Variants in LRMDA observed in about 807,000 individuals in gnomAD.
LRMDA encodes leucine-rich melanocyte differentiation-associated protein.
LRMDA carries 18 observed loss-of-function variants against 29.8 expected under a neutral mutation model. The observed-to-expected ratio is 0.60, with a 90% CI of 0.42 to 0.90. LRMDA has a LOEUF of 0.90. LRMDA is among the 40% of genes least tolerant of loss of function. LRMDA has a pLI of 0.00. For missense variants in LRMDA, 273 were observed against 273.9 expected (o/e 1.00, Z 0.02); for synonymous variants, 125 against 109.4 (o/e 1.14, Z -0.89).
chr10:76,524,704 TC>T, intron 6 of LRMDA, among the ~76,000 whole-genome samples: 1 of 152,192 alleles, frequency 6.6e-6, no homozygotes, highest in African/African-American at 2.4e-5. Flanking sequence ...TAATTACTTT[TC>T]AAGTCAATAT....
chr10:75,888,774 G>T (rs1845433855), intron 2 of LRMDA, among the ~76,000 whole-genome samples: 1 of 152,156 alleles, frequency 6.6e-6, no homozygotes, highest in Non-Finnish European at 1.5e-5. Context: ...CAACGTACAT[G>T]TATTTGTAAT....
At chr10:76,292,262 C>G (rs934664567) in intron 5 of LRMDA, among the ~76,000 whole-genome samples, 4 of 152,068 alleles carry the variant, frequency 2.6e-5, no homozygotes, top group Non-Finnish European at 5.9e-5. Flanking sequence ...CATAGTAATC[C>G]ACTGAAGGAA....
intron 6 of LRMDA, among the ~76,000 whole-genome samples, chr10:76,371,190 G>A (rs773058948): frequency 6.6e-5 from 10 of 152,158 alleles, no homozygotes; most frequent in Non-Finnish European, 1.3e-4. Context: ...CCTTTGTCAA[G>A]TGGGAACAGT....
At chr10:75,848,591 A>G (rs1844680672) in intron 2 of LRMDA, among the ~76,000 whole-genome samples, 1 of 152,174 alleles carries the variant, frequency 6.6e-6, no homozygotes, top group South Asian at 2.1e-4. Context: ...CTGGGTATTC[A>G]TAGGCATCTG....
chr10:76,469,161 G>GC (rs920450517), intron 6 of LRMDA, among the ~76,000 whole-genome samples: 5 of 152,134 alleles, frequency 3.3e-5, no homozygotes, highest in African/African-American at 9.7e-5. Flanking sequence ...CCTCCCCGCA[G>GC]CTTACTTTGA....
intron 6 of LRMDA, among the ~76,000 whole-genome samples, chr10:76,415,724 C>T (rs1359458289): frequency 6.6e-6 from 1 of 152,210 alleles, no homozygotes; most frequent in African/African-American, 2.4e-5. Flanking sequence ...TGGCTATGGG[C>T]CCCACCCATG....
At chr10:75,906,904 G>A (rs1162819796) in intron 2 of LRMDA, among the ~76,000 whole-genome samples, 1 of 152,178 alleles carries the variant, frequency 6.6e-6, no homozygotes, top group Non-Finnish European at 1.5e-5. Flanking sequence ...TGAGACACCG[G>A]GGCTAGGTTG....
chr10:75,824,961 G>T (rs1187547950), intron 2 of LRMDA, among the ~76,000 whole-genome samples: 1 of 152,186 alleles, frequency 6.6e-6, no homozygotes, highest in Non-Finnish European at 1.5e-5. Flanking sequence ...GGGTGGTAAA[G>T]ATATTTTAGA....
intron 6 of LRMDA, among the ~76,000 whole-genome samples, chr10:76,529,814 T>C (rs1447699641): frequency 6.6e-6 from 1 of 152,158 alleles, no homozygotes; most frequent in Non-Finnish European, 1.5e-5. Context: ...TGGGAGGCTT[T>C]GTCTTCTTAC....
At chr10:75,531,506 C>A (rs1845478220) in intron 2 of LRMDA, among the ~76,000 whole-genome samples, 1 of 152,134 alleles carries the variant, frequency 6.6e-6, no homozygotes, top group Non-Finnish European at 1.5e-5. Context: ...TGTTGCTTTG[C>A]AGCAGGAGCT....
At chr10:75,976,493 C>T (rs1847072734) in intron 2 of LRMDA, among the ~76,000 whole-genome samples, 1 of 152,144 alleles carries the variant, frequency 6.6e-6, no homozygotes, top group Admixed American at 6.5e-5. Context: ...TGTCTGTCTA[C>T]CCCCAGTAGA....
At position 76,559,292 on chromosome 10, in the gene LRMDA, C is replaced by T. The variant is rs542149655; in HGVS notation, c.*2004C>T. ...TAATGTCAGAACCATTTGTATCATG[C>T]GCAGGAATGTCTCCCTCAATGTGAG... On this transcript the variant is annotated 3_prime_UTR_variant, in exon 7 of 7. Transcript: ENST00000611255. The T allele has an allele frequency of 3.9e-5, 6 of 152,194 alleles. No homozygotes were observed. The East Asian group carries it at 7.7e-4, about 20-fold the overall frequency. The allele number at this position is 152,194 out of a possible 1,614,324, so 9.4% of individuals were successfully genotyped here.
chr10:76,315,705 C>T (rs1840686715), intron 5 of LRMDA, among the ~76,000 whole-genome samples: 1 of 152,156 alleles, frequency 6.6e-6, no homozygotes, highest in South Asian at 2.1e-4. Context: ...CAGACAGGTC[C>T]CTGGGCGGAA....
At chr10:76,015,154 C>A (rs1485011136) in intron 2 of LRMDA, among the ~76,000 whole-genome samples, 1 of 152,218 alleles carries the variant, frequency 6.6e-6, no homozygotes, top group Non-Finnish European at 1.5e-5. Context: ...GGCACTTTGC[C>A]AGGTGTATTA....
chr10:76,148,824 A>G (rs1371678024), intron 5 of LRMDA, among the ~76,000 whole-genome samples: 1 of 152,060 alleles, frequency 6.6e-6, no homozygotes, highest in Non-Finnish European at 1.5e-5. Flanking sequence ...CTTTTCGGCC[A>G]TCTTGGCTCC....
chr10:76,164,881 T>C (rs1850711562), intron 5 of LRMDA, among the ~76,000 whole-genome samples: 1 of 152,236 alleles, frequency 6.6e-6, no homozygotes, highest in Non-Finnish European at 1.5e-5. Flanking sequence ...AGTTTATGGA[T>C]TACAACAGTG....
intron 2 of LRMDA, among the ~76,000 whole-genome samples, chr10:76,002,025 G>C (rs1847571669): frequency 6.6e-6 from 1 of 152,154 alleles, no homozygotes; most frequent in Non-Finnish European, 1.5e-5. Flanking sequence ...AAATACTGCA[G>C]ACCAGGTGGC....
At chr10:76,220,972 C>G (rs1043269214) in intron 5 of LRMDA, among the ~76,000 whole-genome samples, 21 of 151,918 alleles carry the variant, frequency 1.4e-4, no homozygotes, top group Non-Finnish European at 2.8e-4. Flanking sequence ...TCAATATATG[C>G]AAATCAATAA....
intron 5 of LRMDA, among the ~76,000 whole-genome samples, chr10:76,232,478 G>A (rs1333195162): frequency 1.3e-5 from 2 of 152,198 alleles, no homozygotes; most frequent in Non-Finnish European, 2.9e-5. Flanking sequence ...GGGGAATGCA[G>A]ACAACTTAGG....
Sources: gnomAD v4.1 joint callset for allele counts (sites outside exome capture counted in the v4.1 genomes callset) on GRCh38, gnomAD v4.1.1 for gene constraint, MANE v1.5 for transcripts, NCBI Gene and HGNC (gene_info 2026-07-23, HGNC 2026-07-21) for gene names.